The following SMARCAD1 variants were observed in gnomAD, a reference collection of about 807,000 sequenced individuals.
SMARCAD1 encodes the protein SNF2 related chromatin remodeling ATPase with DExD box 1.
In SMARCAD1, 25 loss-of-function variants were observed where a neutral mutation model predicts 127.1. The ratio of observed to expected loss-of-function variants is 0.20; its 90% CI spans 0.14 to 0.27. SMARCAD1 has a LOEUF of 0.27. Among genes scored for constraint, SMARCAD1 ranks in the 10% least tolerant of loss-of-function variants. The probability of loss-of-function intolerance (pLI) is 1.00; values close to 1 mark genes in which losing one functional copy is unlikely to be tolerated. For synonymous variants in SMARCAD1, 400 were observed against 396.9 expected (o/e 1.01, Z -0.09); for missense variants, 807 against 1,206.0 (o/e 0.67, Z 4.90).
chr4:94,280,532 T>C, intron 19 of SMARCAD1, 60 bp from the exon 20 acceptor site: 1 of 1,432,176 alleles, frequency 7.0e-7, no homozygotes, highest in African/African-American at 1.4e-5. Flanking sequence ...ATTAAACTTT[T>C]CTCATCATAT....
chr4:94,226,284 C>A lies in SMARCAD1; in HGVS notation c.356C>A (p.Thr119Lys). 1 of 1,611,654 alleles carries A rather than the reference C, an allele frequency of 6.2e-7. No homozygotes were observed. The highest frequency in any genetic ancestry group is 8.5e-7 in the Non-Finnish European group (1 of 1,178,394). Residue 119 changes from threonine to lysine, a missense_variant, in exon 3 of 24, where the codon ACA becomes AAA. Thr to Lys is a moderately conservative substitution (Grantham distance 78, BLOSUM62 -1). Transcript: ENST00000354268. ...CAAGAGAAAACATTCAACAAAGATA[C>A]AGTGATTATAGTGTAAGCTGATTAA... is the stretch of plus-strand genomic sequence containing the variant. ...TVQEKTFNKD[T>K]VIIVSEPSED...
chr4:94,234,737 G>T (rs942397268), intron 4 of SMARCAD1, among the ~76,000 whole-genome samples: 4 of 152,260 alleles, frequency 2.6e-5, no homozygotes, highest in African/African-American at 9.6e-5. Context: ...CCACTTATTA[G>T]TTGAATTATC....
chr4:94,275,790 C>CATTTTATTTTATTTTATTTT, intron 14 of SMARCAD1, among the ~76,000 whole-genome samples: 1 of 76,876 alleles, frequency 1.3e-5, no homozygotes, highest in African/African-American at 4.0e-5. Context: ...GTAACATTAA[C>CATTTTATTTTATTTTATTTT]ATTTTCTTTT....
chr4:94,226,077 C>T, intron 2 of SMARCAD1, 42 bp from the exon 3 acceptor site: 1 of 1,492,432 alleles, frequency 6.7e-7, no homozygotes, highest in Non-Finnish European at 9.3e-7. Context: ...GATTCGTTTT[C>T]CAGTTGCTCA....
rs114728539 is a variant in SMARCAD1, at chr4:94,216,660, C to T, written c.190+8076C>T. On this transcript the variant is annotated intron_variant, in intron 2 of 23. Coordinates refer to ENST00000354268, the MANE Select transcript of SMARCAD1 (RefSeq NM_020159.5). ...CCCCGGCAACTACCGTTTACGTTGTCTTTTTATGAATTTGACTATTCTAAG... is the reference window on the plus strand; with the variant it reads ...CCCCGGCAACTACCGTTTACGTTGTTTTTTTATGAATTTGACTATTCTAAG... 9.1e-3 allele frequency among the ~76,000 whole-genome samples: 1,392 copies of T among 152,190 alleles called. 14 individuals carry two copies. The highest frequency in any genetic ancestry group is 0.031 in the African/African-American group (1,296 of 41,514).
intron 6 of SMARCAD1, among the ~76,000 whole-genome samples, chr4:94,246,151 G>T (rs1560535631): frequency 6.8e-6 from 1 of 146,598 alleles, no homozygotes; most frequent in Non-Finnish European, 1.5e-5. Flanking sequence ...ATGGAGTCTC[G>T]CACTGTTGTC....
rs116780735 is a variant in SMARCAD1, at chr4:94,249,156, A to G, written c.706-498A>G. 8.3e-3 allele frequency among the ~76,000 whole-genome samples: 1,268 copies of G among 152,256 alleles called. 15 individuals carry two copies. Among genetic ancestry groups the G allele is most frequent in the African/African-American group, 0.029 (1,194 of 41,578 alleles). Reference sequence around the variant, plus strand: ...ATTTAGTTCCACTTAAATTCCTTTTATCATTGTTTCAGTTTTATGTTGTGA... The same window carrying G: ...ATTTAGTTCCACTTAAATTCCTTTTGTCATTGTTTCAGTTTTATGTTGTGA... On this transcript the variant is annotated intron_variant, in intron 6 of 23. Coordinates refer to ENST00000354268, the MANE Select transcript of SMARCAD1 (RefSeq NM_020159.5).
intron 9 of SMARCAD1, among the ~76,000 whole-genome samples, chr4:94,254,690 T>G (rs976727206): frequency 3.9e-5 from 6 of 152,092 alleles, no homozygotes; most frequent in African/African-American, 1.4e-4. Flanking sequence ...TCCATCCAAA[T>G]GTGAAATATT....
intron 23 of SMARCAD1, 52 bp downstream of exon 23, chr4:94,285,121 C>A: frequency 8.5e-7 from 1 of 1,181,244 alleles, no homozygotes; most frequent in Non-Finnish European, 1.3e-6. Flanking sequence ...GACCATGCAT[C>A]TAATTAGTCA....
At chr4:94,220,709 G>A (rs1242414842) in intron 2 of SMARCAD1, among the ~76,000 whole-genome samples, 2 of 152,200 alleles carry the variant, frequency 1.3e-5, no homozygotes, top group African/African-American at 2.4e-5. Flanking sequence ...GCAATCATAG[G>A]TAAAATTGCT....
At chr4:94,271,707 T>C (rs962069699) in intron 11 of SMARCAD1, among the ~76,000 whole-genome samples, 1 of 152,158 alleles carries the variant, frequency 6.6e-6, no homozygotes, top group Non-Finnish European at 1.5e-5. Flanking sequence ...TTACCGAATA[T>C]ATGTCATTTC....
intron 10 of SMARCAD1, among the ~76,000 whole-genome samples, chr4:94,268,282 A>C (rs1752034667): frequency 6.6e-6 from 1 of 152,120 alleles, no homozygotes; most frequent in Admixed American, 6.6e-5. Flanking sequence ...CACTTTTTAA[A>C]ATTTGATGTT....
intron 11 of SMARCAD1, among the ~76,000 whole-genome samples, chr4:94,272,638 T>C (rs1051131389): frequency 2.0e-5 from 3 of 152,214 alleles, no homozygotes; most frequent in South Asian, 2.1e-4. Context: ...CATAATGTTA[T>C]TGAGATCTAT....
chr4:94,277,694 A>G (rs1237710698), intron 16 of SMARCAD1, among the ~76,000 whole-genome samples: 2 of 152,284 alleles, frequency 1.3e-5, no homozygotes, highest in East Asian at 1.9e-4. Context: ...AAGAACTCCC[A>G]GTTTTTTCAA....
At position 94,252,923 on chromosome 4, in the gene SMARCAD1, T is replaced by C; in HGVS notation, c.1197T>C (p.Gly399=). 1 of 1,614,116 alleles carries C rather than the reference T, an allele frequency of 6.2e-7. No individual in the cohort carries two copies. The highest frequency in any genetic ancestry group is 1.1e-5 in the South Asian group (1 of 91,082). ...ILHFLQDASI[G]ELTLIPQCSQ... ...ACTTCCTTCAAGATGCTTCAATTGG[T>C]GAACTTACTTTGATTCCTCAGTGTT... Residue 399 remains glycine (G), a synonymous_variant, in exon 9 of 24, where the codon GGT becomes GGC. Coordinates refer to ENST00000354268, the MANE Select transcript of SMARCAD1 (RefSeq NM_020159.5).
chr4:94,276,321 T>G lies in SMARCAD1; in HGVS notation c.1809-18T>G. On this transcript the variant is annotated intron_variant, in intron 14 of 23. Transcript: ENST00000354268. Reference sequence around the variant, plus strand: ...CTTAAAGGTATAACCTTAGAGATGTTTTTTCTTTTGGTGACAGATATAACT... The same window carrying G: ...CTTAAAGGTATAACCTTAGAGATGTGTTTTCTTTTGGTGACAGATATAACT... 6.2e-7 allele frequency: 1 copy of G among 1,613,976 alleles called. No homozygotes were observed. The highest frequency in any genetic ancestry group is 1.7e-5 in the Admixed American group (1 of 60,010).
intron 10 of SMARCAD1, among the ~76,000 whole-genome samples, chr4:94,269,080 GAAATAC>G (rs1024736905): frequency 1.5e-4 from 23 of 152,280 alleles, no homozygotes; most frequent in African/African-American, 5.3e-4. Flanking sequence ...GGCAGAATTA[GAAATAC>G]TGCTTTTTCT....
chr4:94,261,387 A>G (rs530881570), intron 9 of SMARCAD1, among the ~76,000 whole-genome samples: 121 of 152,368 alleles, frequency 7.9e-4, no homozygotes, highest in Non-Finnish European at 1.4e-3. Context: ...TAACATCTTT[A>G]GATTTCTACC....
intron 9 of SMARCAD1, chr4:94,253,486 A>C (rs1010182875): frequency 8.8e-7 from 1 of 1,130,378 alleles, no homozygotes; most frequent in African/African-American, 1.6e-5. Flanking sequence ...ACCACAAAAG[A>C]AGCAATTGTT....
Sources: allele counts gnomAD v4.1 joint callset (sites outside exome capture counted in the v4.1 genomes callset), GRCh38; gene constraint gnomAD v4.1.1; transcripts MANE v1.5; gene names NCBI Gene and HGNC (gene_info 2026-07-23, HGNC 2026-07-21).